The following AK3 variants were observed in gnomAD, a reference collection of about 807,000 sequenced individuals.
The protein encoded by AK3 is GTP:AMP phosphotransferase AK3, mitochondrial.
A neutral mutation model predicts 23.7 loss-of-function variants in AK3; 27 were observed. That is an observed-to-expected ratio of 1.14 (90% CI 0.84 to 1.57). The LOEUF is 1.57. Ranked by LOEUF, AK3 falls within the 40% of genes most tolerant of loss-of-function variation. The pLI is 0.00. For synonymous variants in AK3, 159 were observed against 116.0 expected, an observed-to-expected ratio of 1.37 and a Z score of -2.38; for missense variants, 406 against 285.6, an observed-to-expected ratio of 1.42 and a Z score of -3.04.
At chr9:4,729,950 C>T (rs1842115993) in intron 1 of AK3, among the ~76,000 whole-genome samples, 1 of 151,264 alleles carries the variant, frequency 6.6e-6, no homozygotes, top group African/African-American at 2.4e-5. Context: ...AACTGATGAA[C>T]AGGTAAATAA....
At chr9:4,722,421 G>T in intron 2 of AK3, 85 bp downstream of exon 2, 1 of 1,585,624 alleles carries the variant, frequency 6.3e-7, no homozygotes, top group Non-Finnish European at 8.6e-7. Flanking sequence ...CATCCTTGAC[G>T]TCTGTCTGAA....
At position 4,719,149 on chromosome 9, in the gene AK3, G is replaced by A. The variant is rs1841820382; in HGVS notation, c.430C>T (p.Pro144Ser). The A allele has an allele frequency of 1.2e-6, 2 of 1,611,712 alleles. No individual in the cohort carries two copies. The highest frequency in any genetic ancestry group is 1.3e-5 in the African/African-American group (1 of 74,776). ...CAACTACTCACCACAGTTTTGGGAGGGTTGAATTCAATGTTATAGACTCGG... is the reference window on the plus strand; with the variant it reads ...CAACTACTCACCACAGTTTTGGGAGAGTTGAATTCAATGTTATAGACTCGG... ...SGRVYNIEFN[P>S]PKTVGIDDLT... Residue 144 changes from proline (P) to serine (S), a missense_variant, in exon 3 of 5, where the codon CCT becomes TCT. By Grantham distance (74) the Pro-to-Ser change is moderately conservative. Transcript: ENST00000381809.
intron 2 of AK3, among the ~76,000 whole-genome samples, chr9:4,721,124 C>G (rs919249988): frequency 6.6e-6 from 1 of 152,152 alleles, no homozygotes; most frequent in East Asian, 1.9e-4. Context: ...GAGAAGATGC[C>G]AGGTGCGATG....
intron 1 of AK3, among the ~76,000 whole-genome samples, chr9:4,727,456 T>G (rs563423906): frequency 9.9e-5 from 15 of 152,240 alleles, no homozygotes; most frequent in Non-Finnish European, 1.8e-4. Context: ...GCTTCTTTCC[T>G]TAAACCTCAT....
Position 4,710,193 on chromosome 9 carries a change from G to C in AK3, c.*2783C>G, listed in dbSNP as rs1587629151. The C allele has an allele frequency of 1.3e-5, 2 of 152,170 alleles. No individual in the cohort carries two copies. Among genetic ancestry groups the C allele is most frequent in the East Asian group, 3.9e-4 (2 of 5,166 alleles). 9.4% of individuals were successfully genotyped at this position (152,170 alleles called of 1,614,324 possible). A position where few individuals can be genotyped will look rare whatever the true frequency, so the allele number is the denominator to read the frequency against. Reference sequence around the variant, plus strand: ...AACTTTTACTCTATAAAATAAATCAGTTGAGGTGCTGTTCTCCCTGGCTTT... The same window carrying C: ...AACTTTTACTCTATAAAATAAATCACTTGAGGTGCTGTTCTCCCTGGCTTT... On this transcript the variant is annotated 3_prime_UTR_variant, in exon 5 of 5. Coordinates refer to ENST00000381809, the MANE Select transcript of AK3 (RefSeq NM_016282.4).
At chr9:4,718,168 A>C (rs1841787912) in intron 4 of AK3, among the ~76,000 whole-genome samples, 1 of 152,234 alleles carries the variant, frequency 6.6e-6, no homozygotes, top group South Asian at 2.1e-4. Context: ...CAGGAAGCCT[A>C]AGGACAAAGC....
At chr9:4,738,962 G>A (rs1055585205) in intron 1 of AK3, among the ~76,000 whole-genome samples, 4 of 151,578 alleles carry the variant, frequency 2.6e-5, no homozygotes, top group African/African-American at 4.9e-5. Context: ...TGGTAGAGAC[G>A]GGGGTTTCGT....
chr9:4,739,638 A>G (rs1437936467), intron 1 of AK3, among the ~76,000 whole-genome samples: 2 of 151,886 alleles, frequency 1.3e-5, no homozygotes, highest in Non-Finnish European at 2.9e-5. Context: ...CATACAAGAA[A>G]AGATACACGT....
intron 4 of AK3, among the ~76,000 whole-genome samples, chr9:4,717,898 TGGA>T (rs1239278037): frequency 6.6e-6 from 1 of 152,202 alleles, no homozygotes; most frequent in Non-Finnish European, 1.5e-5. Context: ...TAGCAGAGTA[TGGA>T]TGAGACTGTC....
At chr9:4,719,040 G>GTCAC in intron 3 of AK3, 95 bp downstream of exon 3, 1 of 1,341,602 alleles carries the variant, frequency 7.5e-7, no homozygotes, top group Non-Finnish European at 1.0e-6. Context: ...AGGAGTTTTG[G>GTCAC]TCAGAGGATT....
At chr9:4,740,887 G>A in intron 1 of AK3, 50 bp downstream of exon 1, 1 of 1,445,340 alleles carries the variant, frequency 6.9e-7, no homozygotes, top group African/African-American at 1.5e-5. Flanking sequence ...CGCCCGCGAA[G>A]TCCGACCCGG....
intron 1 of AK3, among the ~76,000 whole-genome samples, chr9:4,730,321 G>T (rs1000223716): frequency 9.2e-5 from 14 of 151,558 alleles, no homozygotes; most frequent in African/African-American, 3.1e-4. Flanking sequence ...AGGGCTAATT[G>T]TATGGTATGT....
intron 1 of AK3, 119 bp from the exon 2 acceptor site, chr9:4,722,744 C>A (rs1301490128): frequency 1.4e-6 from 2 of 1,432,228 alleles, no homozygotes; most frequent in African/African-American, 2.8e-5. Context: ...AAATGTGCAT[C>A]ATCAACTTTT....
rs1368595188 is a variant in AK3 at position 4,711,946 on chromosome 9, T to A, written c.*1030A>T. 2 of 152,230 alleles carry A rather than the reference T, an allele frequency of 1.3e-5. No individual in the cohort carries two copies. The highest frequency in any genetic ancestry group is 4.8e-5 in the African/African-American group (2 of 41,466). The allele number at this position is 152,230 out of a possible 1,614,324, so 9.4% of individuals were successfully genotyped here. A position where few individuals can be genotyped will look rare whatever the true frequency, so the allele number is the denominator to read the frequency against. ...TATTGGTACACCTGTTTACTAATTA[T>A]GATTGATTGCTATTTATGCCAAGGG... On this transcript the variant is annotated 3_prime_UTR_variant, in exon 5 of 5. Coordinates refer to ENST00000381809, the MANE Select transcript of AK3 (RefSeq NM_016282.4).
intron 1 of AK3, among the ~76,000 whole-genome samples, chr9:4,736,298 A>G (rs1312824928): frequency 6.6e-6 from 1 of 152,110 alleles, no homozygotes; most frequent in Non-Finnish European, 1.5e-5. Flanking sequence ...TGTTAAAGGT[A>G]TAAAACAGTA....
Position 4,741,014 on chromosome 9 carries a change from G to A in AK3, c.74C>T (p.Ser25Leu). The part of the protein sequence containing the change: ...APGSGKGTVS[S>L]RITTHFELKH... ...CAGCTCGAAGTGTGTAGTGATGCGC[G>A]ACGACACGGTGCCCTTGCCCGAGCC... Residue 25 changes from serine (S) to leucine (L), a missense_variant, in exon 1 of 5, where the codon TCG (serine) becomes TTG (leucine). Physicochemically the swap from Ser to Leu is moderately radical, Grantham distance 145. Transcript: ENST00000381809. The A allele has an allele frequency of 6.3e-7, 1 of 1,593,102 alleles. No individual in the cohort carries two copies. The highest frequency in any genetic ancestry group is 8.5e-7 in the Non-Finnish European group (1 of 1,171,728).
chr9:4,738,853 C>A (rs963273196), intron 1 of AK3, among the ~76,000 whole-genome samples: 3 of 148,402 alleles, frequency 2.0e-5, no homozygotes, highest in African/African-American at 7.4e-5. Context: ...CTCATGACAA[C>A]CTCTGCATCC....
At chr9:4,725,959 T>C (rs984092924) in intron 1 of AK3, among the ~76,000 whole-genome samples, 2 of 152,098 alleles carry the variant, frequency 1.3e-5, no homozygotes, top group African/African-American at 4.8e-5. Flanking sequence ...ACTACCACAA[T>C]AAAGTGAATA....
chr9:4,736,641 A>G (rs557529013), intron 1 of AK3, among the ~76,000 whole-genome samples: 19 of 152,218 alleles, frequency 1.2e-4, no homozygotes, highest in Non-Finnish European at 2.2e-4. Context: ...ATAGATGAGA[A>G]TAAATGAGAT....
Sources: gnomAD v4.1 joint callset for allele counts (sites outside exome capture counted in the v4.1 genomes callset) on GRCh38, gnomAD v4.1.1 for gene constraint, MANE v1.5 for transcripts, NCBI Gene and HGNC (gene_info 2026-07-23, HGNC 2026-07-21) for gene names.